The following MYH15 variants were observed in gnomAD, a reference collection of about 807,000 sequenced individuals.
MYH15 encodes the protein myosin heavy chain 15, also known as myosin-15.
MYH15 carries 227 observed loss-of-function variants against 240.5 expected under a neutral mutation model. The observed-to-expected ratio is 0.94, with a 90% CI of 0.85 to 1.05. The LOEUF (loss-of-function observed/expected upper bound fraction) is 1.05. MYH15 is among the 50% of genes least tolerant of loss of function. The probability of loss-of-function intolerance (pLI) is 0.00; values close to 1 mark genes in which losing one functional copy is unlikely to be tolerated. For missense variants in MYH15, 2,217 were observed against 2,247.5 expected, an observed-to-expected ratio of 0.99 and a Z score of 0.27; for synonymous variants, 785 against 796.7, an observed-to-expected ratio of 0.99 and a Z score of 0.25.
At position 108,381,522 on chromosome 3, in the gene MYH15, T is replaced by C. The variant is rs773207972; in HGVS notation, c.*23A>G. The C allele has an allele frequency of 1.9e-6, 3 of 1,612,978 alleles. No individual in the cohort carries two copies. The highest frequency in any genetic ancestry group is 1.7e-6 in the Non-Finnish European group (2 of 1,179,058). Reference sequence around the variant, plus strand: ...CACCTTCCTTGTACTTCTCCAGCTGTTGTCCTTTCAAAGCAGGGGATGCTA... The same window carrying C: ...CACCTTCCTTGTACTTCTCCAGCTGCTGTCCTTTCAAAGCAGGGGATGCTA... On this transcript the variant is annotated 3_prime_UTR_variant, in exon 41 of 41. Transcript: ENST00000693548.
intron 18 of MYH15, among the ~76,000 whole-genome samples, chr3:108,457,104 A>G (rs934516681): frequency 6.6e-6 from 1 of 152,172 alleles, no homozygotes; most frequent in Non-Finnish European, 1.5e-5. Context: ...AATTCCTTTA[A>G]CATGGAACAA....
chr3:108,427,321 T>C (rs2082731892), intron 27 of MYH15, among the ~76,000 whole-genome samples: 2 of 152,170 alleles, frequency 1.3e-5, no homozygotes, highest in African/African-American at 4.8e-5. Context: ...TAGTGTTAGA[T>C]GGGGCCTTTA....
intron 36 of MYH15, among the ~76,000 whole-genome samples, chr3:108,392,976 A>G (rs1472975174): frequency 2.0e-5 from 3 of 152,320 alleles, no homozygotes; most frequent in South Asian, 2.1e-4. Context: ...GGATGAGTGA[A>G]TAGGCATGGT....
At chr3:108,506,097 C>A (rs973622428) in intron 1 of MYH15, among the ~76,000 whole-genome samples, 3 of 152,098 alleles carry the variant, frequency 2.0e-5, no homozygotes, top group African/African-American at 7.2e-5. Flanking sequence ...TACCTCCCAA[C>A]ACCCCTCCCA....
chr3:108,459,375 C>A lies in MYH15; in HGVS notation c.2007G>T (p.Val669=). 7 of 1,590,670 alleles carry A rather than the reference C, an allele frequency of 4.4e-6. No homozygotes were observed. The highest frequency in any genetic ancestry group is 6.0e-6 in the Non-Finnish European group (7 of 1,168,028). The change falls in exon 18 of 41, where the codon GTG becomes GTT. Residue 669 remains valine (V), a synonymous_variant. Coordinates refer to ENST00000693548, the MANE Select transcript of MYH15 (RefSeq NM_014981.3). ...PHFVRCINPN[V]NKIPGILDPY... is the part of the protein sequence containing the mutation. ...TCTAGTTCTTACCTGGTATTTTGTT[C>A]ACATTGGGATTTATGCATCTCACAA... is the stretch of plus-strand genomic sequence containing the variant.
chr3:108,489,912 T>G lies in MYH15; in HGVS notation c.871+2588A>C, dbSNP rs572820071. Among the ~76,000 whole-genome samples the G allele has an allele frequency of 4.6e-5, 7 of 152,284 alleles. No homozygotes were observed. The South Asian group carries it at 8.3e-4, about 18-fold the overall frequency. ...CCAGATGTCAGACTTTGCACAGTAA[T>G]CAATCTCAGCAACCCCCAAAGACCG... On this transcript the variant is annotated intron_variant, in intron 9 of 40. Coordinates refer to ENST00000693548, the MANE Select transcript of MYH15 (RefSeq NM_014981.3).
chr3:108,436,202 T>C (rs1196053496), intron 25 of MYH15, among the ~76,000 whole-genome samples: 1 of 150,834 alleles, frequency 6.6e-6, no homozygotes, highest in Non-Finnish European at 1.5e-5. Flanking sequence ...ATTTCTAAAA[T>C]GCTAAAACTC....
intron 21 of MYH15, among the ~76,000 whole-genome samples, chr3:108,448,551 T>G (rs915693296): frequency 6.6e-6 from 1 of 152,024 alleles, no homozygotes; most frequent in Non-Finnish European, 1.5e-5. Flanking sequence ...CAAGATGATA[T>G]AAATATCTTT....
chr3:108,500,024 A>G, intron 4 of MYH15, 94 bp downstream of exon 4: 1 of 1,375,950 alleles, frequency 7.3e-7, no homozygotes, highest in East Asian at 2.5e-5. Context: ...TGTAAAGGCC[A>G]TGCTCTGCTC....
intron 9 of MYH15, among the ~76,000 whole-genome samples, chr3:108,486,799 AAAAC>A (rs1233048018): frequency 4.0e-5 from 6 of 150,396 alleles, no homozygotes; most frequent in African/African-American, 1.0e-4. Flanking sequence ...AAAAAAAACA[AAAAC>A]AAACAAACAA....
At chr3:108,534,569 T>C in the MYH15 span, among the ~76,000 whole-genome samples, 1 of 152,102 alleles carries the variant, frequency 6.6e-6, no homozygotes, top group South Asian at 2.1e-4. Context: ...AGAAAAATGA[T>C]ACAAGAAATC....
At position 108,458,735 on chromosome 3, in the gene MYH15, T is replaced by C. The variant is rs149884463; in HGVS notation, c.2020+627A>G. On this transcript the variant is annotated intron_variant, in intron 18 of 40. Coordinates refer to ENST00000693548, the MANE Select transcript of MYH15 (RefSeq NM_014981.3). ...TAGTTAATTTTGGTAAAACCCTTGTTTGGGGAATTGAAAACATTAAAAAAA... is the reference window on the plus strand; with the variant it reads ...TAGTTAATTTTGGTAAAACCCTTGTCTGGGGAATTGAAAACATTAAAAAAA... 3.3e-3 allele frequency among the ~76,000 whole-genome samples: 491 copies of C among 150,958 alleles called. 1 individual carries two copies. The highest frequency in any genetic ancestry group is 0.014 in the Middle Eastern group (4 of 292).
intron 14 of MYH15, among the ~76,000 whole-genome samples, chr3:108,467,919 CAATT>C (rs918070625): frequency 4.0e-5 from 6 of 151,234 alleles, no homozygotes; most frequent in African/African-American, 1.5e-4. Context: ...ACCAAATTAA[CAATT>C]AAAGTTTGTG....
At chr3:108,507,562 T>A (rs1213966362) in intron 1 of MYH15, among the ~76,000 whole-genome samples, 1 of 152,130 alleles carries the variant, frequency 6.6e-6, no homozygotes, top group Non-Finnish European at 1.5e-5. Flanking sequence ...GGAAGGAGTG[T>A]GTACAAAGGA....
chr3:108,428,997 A>G (rs2082752991), intron 26 of MYH15, 116 bp from the exon 27 acceptor site: 2 of 1,049,388 alleles, frequency 1.9e-6, no homozygotes, highest in African/African-American at 3.2e-5. Flanking sequence ...ACAACTAAAG[A>G]AAACAGAATA....
At chr3:108,463,269 T>TA (rs1264044367) in intron 15 of MYH15, 26 bp from the exon 16 acceptor site, 5 of 1,574,932 alleles carry the variant, frequency 3.2e-6, no homozygotes, top group Admixed American at 2.1e-5. Context: ...CATTTCAGGT[T>TA]AAAAAAAGAA....
chr3:108,537,120 T>C, the MYH15 span, among the ~76,000 whole-genome samples: 1 of 152,210 alleles, frequency 6.6e-6, no homozygotes, highest in African/African-American at 2.4e-5. Flanking sequence ...CTTTCTATTA[T>C]AAAGCTAAAT....
At chr3:108,433,220 G>A (rs888691473) in intron 25 of MYH15, among the ~76,000 whole-genome samples, 7 of 152,204 alleles carry the variant, frequency 4.6e-5, no homozygotes, top group African/African-American at 1.7e-4. Context: ...TGCTCTGCTG[G>A]ATTTCAGACT....
chr3:108,384,802 A>G lies in MYH15; in HGVS notation c.5536-20T>C. 3 of 1,600,054 alleles carry G rather than the reference A, an allele frequency of 1.9e-6. No homozygotes were observed. The highest frequency in any genetic ancestry group is 1.7e-6 in the Non-Finnish European group (2 of 1,167,932). On this transcript the variant is annotated intron_variant, in intron 38 of 40. Coordinates refer to ENST00000693548, the MANE Select transcript of MYH15 (RefSeq NM_014981.3). ...CTCTGCCTGCAATACATAGGCATGT[A>G]TGGGAAGGTGATTCAGAGGATCCAG...
Sources: allele counts gnomAD v4.1 joint callset (sites outside exome capture counted in the v4.1 genomes callset), GRCh38; gene constraint gnomAD v4.1.1; transcripts MANE v1.5; gene names NCBI Gene and HGNC (gene_info 2026-07-23, HGNC 2026-07-21).